CABIN1: variants seen among roughly 807,000 people sequenced by gnomAD.
CABIN1 encodes the protein calcineurin-binding protein cabin-1.
In CABIN1, 133 loss-of-function variants were observed where a neutral mutation model predicts 227.7. The observed-to-expected ratio is 0.58, with a 90% CI of 0.51 to 0.67. The LOEUF is 0.67. CABIN1 is among the 30% of genes least tolerant of loss of function. The pLI is 0.00. For synonymous variants in CABIN1, 1,086 were observed against 1,155.1 expected (o/e 0.94, Z 1.21); for missense variants, 2,408 against 2,852.5 (o/e 0.84, Z 3.55).
chr22:24,147,567 G>A (rs186441482), intron 29 of CABIN1, among the ~76,000 whole-genome samples: 3 of 151,398 alleles, frequency 2.0e-5, no homozygotes, highest in Non-Finnish European at 4.4e-5. Flanking sequence ...TGCTGCCCTA[G>A]CCTCCCAAGT....
intron 3 of CABIN1, among the ~76,000 whole-genome samples, chr22:24,036,860 A>G (rs1222239336): frequency 6.6e-6 from 1 of 152,144 alleles, no homozygotes; most frequent in Non-Finnish European, 1.5e-5. Context: ...CTAGTCTGCA[A>G]GGCATGTCAG....
intron 25 of CABIN1, among the ~76,000 whole-genome samples, chr22:24,097,366 A>C (rs1286318469): frequency 4.6e-5 from 7 of 152,212 alleles, no homozygotes; most frequent in Non-Finnish European, 1.0e-4. Flanking sequence ...TACAATTGTA[A>C]GGTTTCATTT....
chr22:24,151,604 G>T (rs1415796733), intron 29 of CABIN1, among the ~76,000 whole-genome samples: 1 of 152,128 alleles, frequency 6.6e-6, no homozygotes, highest in Non-Finnish European at 1.5e-5. Context: ...GGGGCTCAGA[G>T]GGGCCCAGTA....
intron 28 of CABIN1, among the ~76,000 whole-genome samples, chr22:24,120,763 A>G (rs1458814882): frequency 2.0e-5 from 3 of 152,224 alleles, no homozygotes; most frequent in Non-Finnish European, 2.9e-5. Context: ...CAGTGAGCCA[A>G]GATTGGGCCA....
chr22:24,094,372 C>T (rs1309282958), intron 24 of CABIN1, among the ~76,000 whole-genome samples: 4 of 152,152 alleles, frequency 2.6e-5, no homozygotes, highest in Non-Finnish European at 5.9e-5. Flanking sequence ...GAACCAAGGC[C>T]TTAGATGTGT....
At chr22:24,072,810 G>A (rs1471729355) in intron 18 of CABIN1, among the ~76,000 whole-genome samples, 4 of 152,154 alleles carry the variant, frequency 2.6e-5, no homozygotes, top group African/African-American at 9.7e-5. Context: ...CACTGCTCCA[G>A]GAGGCCTTGT....
chr22:24,168,329 C>A, intron 32 of CABIN1, 118 bp from the exon 33 acceptor site: 1 of 974,632 alleles, frequency 1.0e-6, no homozygotes, highest in Non-Finnish European at 1.6e-6. Context: ...TTGGGGGGCA[C>A]CCGAGCCACA....
chr22:24,045,141 T>G (rs930922643), intron 6 of CABIN1, among the ~76,000 whole-genome samples: 8 of 152,184 alleles, frequency 5.3e-5, no homozygotes, highest in South Asian at 4.1e-4. Flanking sequence ...AGCCAGGATG[T>G]TCTTGATCTC....
At chr22:24,116,925 G>C (rs1363310667) in intron 27 of CABIN1, among the ~76,000 whole-genome samples, 1 of 152,244 alleles carries the variant, frequency 6.6e-6, no homozygotes, top group Non-Finnish European at 1.5e-5. Context: ...ACCAGCCTAG[G>C]CTAGAGCAGC....
intron 11 of CABIN1, 68 bp downstream of exon 11, chr22:24,059,431 T>C: frequency 2.5e-6 from 4 of 1,572,428 alleles, no homozygotes; most frequent in Non-Finnish European, 3.5e-6. Context: ...AACCTGCTTA[T>C]GTTTTGTTCT....
chr22:24,013,383 G>A (rs2146355815), intron 1 of CABIN1, among the ~76,000 whole-genome samples: 1 of 151,702 alleles, frequency 6.6e-6, no homozygotes, highest in Middle Eastern at 3.4e-3. Context: ...TTTTTTAGTA[G>A]AGACGGAGTT....
At chr22:24,100,406 G>T (rs2042135022) in intron 26 of CABIN1, among the ~76,000 whole-genome samples, 1 of 152,266 alleles carries the variant, frequency 6.6e-6, no homozygotes, top group South Asian at 2.1e-4. Context: ...GTTCCTAGGG[G>T]AAGGCCCAGG....
intron 29 of CABIN1, 40 bp downstream of exon 29, chr22:24,134,455 G>A (rs1328551475): frequency 6.5e-7 from 1 of 1,540,010 alleles, no homozygotes; most frequent in African/African-American, 1.4e-5. Flanking sequence ...GCTGTTTGTT[G>A]CCACTGCTTT....
At chr22:24,056,808 G>C (rs754454684) in intron 10 of CABIN1, among the ~76,000 whole-genome samples, 8 of 152,280 alleles carry the variant, frequency 5.3e-5, no homozygotes, top group South Asian at 2.1e-4. Context: ...GGAGGAGCTT[G>C]TGAAGTATTC....
At position 24,017,499 on chromosome 22, in the gene CABIN1, T is replaced by C. The variant is rs543470509; in HGVS notation, c.-75+6132T>C. 9.3e-4 allele frequency among the ~76,000 whole-genome samples: 142 copies of C among 152,316 alleles called. 1 individual carries two copies. Among genetic ancestry groups the C allele is most frequent in the African/African-American group, 3.3e-3 (138 of 41,578 alleles). On this transcript the variant is annotated intron_variant, in intron 1 of 36. Transcript: ENST00000263119. ...CAGGAATTCCCATTCTTCCCTCCCC[T>C]AGCCCTGTGGCCACTATTCTACTTT... is the stretch of plus-strand genomic sequence containing the variant.
rs574559212 is a variant in CABIN1, at chr22:24,082,304, G to T, written c.2749-924G>T. ...AGAGTCTCACTTTGTTGCCCAGGCT[G>T]GTTTCAGTCTCCTGGGCTCAAGCGA... On this transcript the variant is annotated intron_variant, in intron 19 of 36. Coordinates refer to ENST00000263119, the MANE Select transcript of CABIN1 (RefSeq NM_012295.4). Among the ~76,000 whole-genome samples, 7 of 152,036 alleles carry T rather than the reference G, an allele frequency of 4.6e-5. No individual in the cohort carries two copies. The South Asian group carries it at 1.5e-3, about 32-fold the overall frequency.
At chr22:24,091,451 G>A in intron 23 of CABIN1, 132 bp from the exon 24 acceptor site, 2 of 1,133,848 alleles carry the variant, frequency 1.8e-6, no homozygotes, top group Non-Finnish European at 2.6e-6. Flanking sequence ...AATGGTGAGG[G>A]CATTTCTGTG....
At chr22:24,060,188 A>G in intron 12 of CABIN1, 47 bp downstream of exon 12, 1 of 1,546,424 alleles carries the variant, frequency 6.5e-7, no homozygotes, top group Non-Finnish European at 8.9e-7. Flanking sequence ...GGACCAGGGC[A>G]TGGGGACAGG....
At chr22:24,130,550 C>T (rs1287396277) in intron 28 of CABIN1, among the ~76,000 whole-genome samples, 3 of 152,164 alleles carry the variant, frequency 2.0e-5, no homozygotes, top group Non-Finnish European at 4.4e-5. Flanking sequence ...CACTACACCA[C>T]GAAGCTACAG....
Sources: allele counts gnomAD v4.1 joint callset (sites outside exome capture counted in the v4.1 genomes callset), GRCh38; gene constraint gnomAD v4.1.1; transcripts MANE v1.5; gene names NCBI Gene and HGNC (gene_info 2026-07-23, HGNC 2026-07-21).